The following LRRC4C variants were observed in gnomAD, a reference collection of about 807,000 sequenced individuals.
LRRC4C encodes the protein leucine rich repeat containing 4C.
A neutral mutation model predicts 33.6 loss-of-function variants in LRRC4C; 5 were observed. That is an observed-to-expected ratio of 0.15 (90% CI 0.08 to 0.31). LRRC4C has a LOEUF of 0.31. LRRC4C is among the 10% of genes least tolerant of loss of function. The probability of loss-of-function intolerance (pLI) is 1.00; values close to 1 mark genes in which losing one functional copy is unlikely to be tolerated. For synonymous variants in LRRC4C, 329 were observed against 302.0 expected, an observed-to-expected ratio of 1.09 and a Z score of -0.93; for missense variants, 560 against 796.7, an observed-to-expected ratio of 0.70 and a Z score of 3.58.
chr11:41,016,426 G>GC (rs1403240842), intron 1 of LRRC4C, among the ~76,000 whole-genome samples: 9 of 152,156 alleles, frequency 5.9e-5, no homozygotes, highest in Non-Finnish European at 1.3e-4. Context: ...AACTAATAAG[G>GC]AAGAGTAAAA....
intron 3 of LRRC4C, among the ~76,000 whole-genome samples, chr11:40,557,378 T>C (rs1206388260): frequency 6.6e-6 from 1 of 152,116 alleles, no homozygotes; most frequent in Admixed American, 6.5e-5. Flanking sequence ...ATGACAAATA[T>C]CTTGATGAGC....
chr11:40,158,533 A>G (rs1348635264), intron 5 of LRRC4C, among the ~76,000 whole-genome samples: 1 of 151,938 alleles, frequency 6.6e-6, no homozygotes, highest in Admixed American at 6.6e-5. Context: ...TCTAAAACCA[A>G]AAGTTTATTT....
intron 2 of LRRC4C, among the ~76,000 whole-genome samples, chr11:40,654,430 C>A (rs767480975): frequency 1.1e-4 from 16 of 152,168 alleles, no homozygotes; most frequent in Non-Finnish European, 1.8e-4. Flanking sequence ...GAAATTGAGT[C>A]AAAGGAGCTC....
intron 3 of LRRC4C, among the ~76,000 whole-genome samples, chr11:40,566,390 A>T (rs1163375633): frequency 6.6e-6 from 1 of 152,076 alleles, no homozygotes; most frequent in Non-Finnish European, 1.5e-5. Context: ...TCTATATATC[A>T]AATTAAGACA....
intron 1 of LRRC4C, among the ~76,000 whole-genome samples, chr11:41,080,737 A>G (rs915960102): frequency 1.3e-5 from 2 of 152,148 alleles, no homozygotes; most frequent in Non-Finnish European, 1.5e-5. Context: ...TAAAACAGAA[A>G]CTACTTGATT....
chr11:40,968,536 C>T (rs893529733), intron 1 of LRRC4C, among the ~76,000 whole-genome samples: 21 of 152,220 alleles, frequency 1.4e-4, no homozygotes, highest in Admixed American at 8.5e-4. Context: ...TTTAAAACTT[C>T]AAAGAGCAGT....
chr11:40,989,824 C>T (rs1045993403), intron 1 of LRRC4C, among the ~76,000 whole-genome samples: 4 of 151,856 alleles, frequency 2.6e-5, no homozygotes, highest in South Asian at 2.1e-4. Flanking sequence ...CATATCCTTG[C>T]CTTCCCATCC....
At position 40,120,372 on chromosome 11, in the gene LRRC4C, C is replaced by G. The variant is rs190428494; in HGVS notation, c.-42-4038G>C. On this transcript the variant is annotated intron_variant, in intron 6 of 6. Transcript: ENST00000528697. ...ATCCTCCTTGTAAATTTAAATATGG[C>G]CTTAAATAACTCTTTTATATTTCCA... Among the ~76,000 whole-genome samples, 340 of 152,146 alleles carry G rather than the reference C, an allele frequency of 2.2e-3. 2 individuals are homozygous for G. Among genetic ancestry groups the G allele is most frequent in the African/African-American group, 7.9e-3 (328 of 41,518 alleles).
chr11:41,175,084 T>C (rs1327935221), intron 1 of LRRC4C, among the ~76,000 whole-genome samples: 1 of 152,056 alleles, frequency 6.6e-6, no homozygotes, highest in African/African-American at 2.4e-5. Flanking sequence ...CATTTTTTCT[T>C]CCTATTCCCA....
intron 3 of LRRC4C, among the ~76,000 whole-genome samples, chr11:40,557,237 T>C (rs1957366763): frequency 6.6e-6 from 1 of 151,986 alleles, no homozygotes; most frequent in African/African-American, 2.4e-5. Flanking sequence ...AGAAGAATAA[T>C]GCAAAAAAGT....
At chr11:41,151,802 C>T (rs1944011959) in intron 1 of LRRC4C, among the ~76,000 whole-genome samples, 1 of 152,022 alleles carries the variant, frequency 6.6e-6, no homozygotes, top group South Asian at 2.1e-4. Context: ...TAAATACAAT[C>T]CAAACATTAA....
Position 41,329,413 on chromosome 11 carries a change from CT to C in LRRC4C, c.-496+130017del, listed in dbSNP as rs368665924. Among the ~76,000 whole-genome samples the C allele has an allele frequency of 2.1e-3, 316 of 152,316 alleles. 1 individual carries two copies. The highest frequency in any genetic ancestry group is 7.1e-3 in the African/African-American group (297 of 41,566). ...TTGAGGACTGTGCTTACTATCTCTT[CT>C]TTTTGCAATATGTTGCGTCCCATAG... is the stretch of plus-strand genomic sequence containing the variant. On this transcript the variant is annotated intron_variant, in intron 1 of 6. Transcript: ENST00000528697.
At chr11:40,516,020 T>C (rs2135181110) in intron 3 of LRRC4C, among the ~76,000 whole-genome samples, 1 of 152,200 alleles carries the variant, frequency 6.6e-6, no homozygotes, top group Admixed American at 6.5e-5. Context: ...TGAGATTATA[T>C]CCTCAGTTAC....
chr11:41,207,290 CTTTTTTTAAAAGT>C (rs1946640043), intron 1 of LRRC4C, among the ~76,000 whole-genome samples: 1 of 152,048 alleles, frequency 6.6e-6, no homozygotes, highest in Non-Finnish European at 1.5e-5. Flanking sequence ...GGACATCAGT[CTTTTTTTAAAAGT>C]TCCTCTCTCC....
chr11:40,666,459 AG>A (rs1310135046), intron 2 of LRRC4C, among the ~76,000 whole-genome samples: 2 of 152,116 alleles, frequency 1.3e-5, no homozygotes, highest in Non-Finnish European at 2.9e-5. Flanking sequence ...CTTTCCAGAA[AG>A]GGATATGTTA....
rs1190966791 is a variant in LRRC4C, at chr11:40,607,353, TG to T, written c.-270+40788del. Among the ~76,000 whole-genome samples the T allele has an allele frequency of 4.6e-5, 7 of 152,206 alleles. No individual in the cohort carries two copies. In the East Asian group the frequency reaches 1.2e-3, roughly 25 times the overall value. ...AGGCACTCCTGTTTTCATGCTCAAA[TG>T]TTGCATTTTTCAAGACAACTTTGGT... On this transcript the variant is annotated intron_variant, in intron 3 of 6. Coordinates refer to ENST00000528697, the MANE Select transcript of LRRC4C (RefSeq NM_001258419.2).
At chr11:40,705,941 T>C (rs1946148714) in intron 2 of LRRC4C, among the ~76,000 whole-genome samples, 1 of 152,220 alleles carries the variant, frequency 6.6e-6, no homozygotes, top group Admixed American at 6.5e-5. Context: ...TTGATGTGCA[T>C]TTCTCTGATG....
At chr11:40,618,482 A>C (rs1216581026) in intron 3 of LRRC4C, among the ~76,000 whole-genome samples, 1 of 151,720 alleles carries the variant, frequency 6.6e-6, no homozygotes, top group East Asian at 1.9e-4. Context: ...TGTTGTTTTA[A>C]GTCACCTGGT....
intron 2 of LRRC4C, among the ~76,000 whole-genome samples, chr11:40,702,886 A>G (rs1403459114): frequency 6.6e-6 from 1 of 152,124 alleles, no homozygotes; most frequent in Non-Finnish European, 1.5e-5. Context: ...TGTGAAAAGG[A>G]TTTAAAAGTC....
Sources: gnomAD v4.1 joint callset for allele counts (sites outside exome capture counted in the v4.1 genomes callset) on GRCh38, gnomAD v4.1.1 for gene constraint, MANE v1.5 for transcripts, NCBI Gene and HGNC (gene_info 2026-07-23, HGNC 2026-07-21) for gene names.